The following PLPPR1 variants were observed in gnomAD, a reference collection of about 807,000 sequenced individuals.
PLPPR1 encodes the protein phospholipid phosphatase related 1.
PLPPR1 carries 10 observed loss-of-function variants against 33.1 expected under a neutral mutation model. The ratio of observed to expected loss-of-function variants is 0.30; its 90% CI spans 0.19 to 0.51. The LOEUF (loss-of-function observed/expected upper bound fraction) is 0.51, where lower values mean the gene tolerates loss of function less well. PLPPR1 is among the 20% of genes least tolerant of loss of function. PLPPR1 has a pLI of 0.97. For synonymous variants in PLPPR1, 151 were observed against 151.0 expected, an observed-to-expected ratio of 1.00 and a Z score of 0.00; for missense variants, 304 against 408.1, an observed-to-expected ratio of 0.74 and a Z score of 2.20.
At chr9:101,131,079 C>T (rs1234004588) in intron 1 of PLPPR1, among the ~76,000 whole-genome samples, 2 of 152,172 alleles carry the variant, frequency 1.3e-5, no homozygotes, top group Non-Finnish European at 2.9e-5. Context: ...TTAATGGCCT[C>T]TACTTCCCTT....
intron 1 of PLPPR1, among the ~76,000 whole-genome samples, chr9:101,065,194 A>G (rs1830396422): frequency 6.6e-6 from 1 of 152,104 alleles, no homozygotes; most frequent in African/African-American, 2.4e-5. Context: ...ACTTTTTTAT[A>G]CAGGCCAGTA....
At chr9:101,266,495 G>A (rs2118889124) in intron 2 of PLPPR1, among the ~76,000 whole-genome samples, 1 of 152,250 alleles carries the variant, frequency 6.6e-6, no homozygotes, top group South Asian at 2.1e-4. Context: ...GCCAAGGCAA[G>A]CCAATTCATG....
chr9:101,246,046 T>C (rs1248528871), intron 2 of PLPPR1, among the ~76,000 whole-genome samples: 5 of 125,554 alleles, frequency 4.0e-5, no homozygotes, highest in African/African-American at 1.5e-4. Context: ...CCTCTCAAAA[T>C]TGAATATGAA....
At chr9:101,181,681 TAC>T (rs1044560993) in intron 1 of PLPPR1, among the ~76,000 whole-genome samples, 22 of 147,714 alleles carry the variant, frequency 1.5e-4, no homozygotes, top group East Asian at 4.0e-4. Context: ...TATATGTATA[TAC>T]ACACACACAT....
chr9:101,297,172 T>C (rs1248441288), intron 4 of PLPPR1, among the ~76,000 whole-genome samples: 1 of 152,184 alleles, frequency 6.6e-6, no homozygotes, highest in Non-Finnish European at 1.5e-5. Context: ...TTTAATTTTT[T>C]ATCATGAATA....
At chr9:101,196,144 G>A (rs577642212) in intron 2 of PLPPR1, among the ~76,000 whole-genome samples, 1 of 152,004 alleles carries the variant, frequency 6.6e-6, no homozygotes, top group African/African-American at 2.4e-5. Flanking sequence ...GGCTGGCCAA[G>A]GTATTAGAAT....
At chr9:101,245,682 G>T (rs1259382490) in intron 2 of PLPPR1, among the ~76,000 whole-genome samples, 1 of 151,818 alleles carries the variant, frequency 6.6e-6, no homozygotes, top group Non-Finnish European at 1.5e-5. Context: ...AGGTTCTTTT[G>T]TTTTCTCTGG....
chr9:101,226,286 C>G (rs1191128144), intron 2 of PLPPR1, among the ~76,000 whole-genome samples: 1 of 152,110 alleles, frequency 6.6e-6, no homozygotes, highest in Non-Finnish European at 1.5e-5. Context: ...CCTCACTCAT[C>G]CCATTCCATT....
intron 2 of PLPPR1, among the ~76,000 whole-genome samples, chr9:101,236,934 A>G (rs1827312840): frequency 6.6e-6 from 1 of 151,708 alleles, no homozygotes; most frequent in African/African-American, 2.4e-5. Flanking sequence ...TGCAAACTAT[A>G]TATCTGACAA....
chr9:101,317,442 A>G lies in PLPPR1; in HGVS notation c.891A>G (p.Val297=), dbSNP rs1189469616. 3 of 1,613,858 alleles carry G rather than the reference A, an allele frequency of 1.9e-6. No homozygotes were observed. In the African/African-American group the frequency reaches 4.0e-5, roughly 22 times the overall value. ...SKPKPEDPRG[V]PLMAFPRIES... The stretch of plus-strand genomic sequence containing the variant: ...CCAAGCCTGAGGATCCCCGTGGAGT[A>G]CCCCTAATGGCTTTCCCAAGGATAG... The change falls in exon 7 of 8, where the codon GTA becomes GTG. Residue 297 remains valine (V), a synonymous_variant. Transcript: ENST00000374874.
chr9:101,092,076 A>T (rs932985562), intron 1 of PLPPR1, among the ~76,000 whole-genome samples: 1 of 152,052 alleles, frequency 6.6e-6, no homozygotes, highest in African/African-American at 2.4e-5. Flanking sequence ...GCTGCTTCTG[A>T]ACTTCATCTT....
intron 2 of PLPPR1, among the ~76,000 whole-genome samples, chr9:101,234,423 C>A (rs1827253240): frequency 6.6e-6 from 1 of 151,856 alleles, no homozygotes; most frequent in African/African-American, 2.4e-5. Context: ...CCCACCTTTT[C>A]TCTCTCCCAA....
intron 2 of PLPPR1, 116 bp from the exon 3 acceptor site, chr9:101,269,764 G>A (rs1016456699): frequency 3.8e-5 from 37 of 973,014 alleles, no homozygotes; most frequent in Non-Finnish European, 5.1e-5. Flanking sequence ...GCACACACTC[G>A]CCAATACCAA....
In PLPPR1 at chr9:101,065,400, T is replaced by C. The variant is rs138783998; in HGVS notation, c.-46+36298T>C. ...TTTGGAAATAGGCTGTATTGATTCT[T>C]AACATTTCTCTGGCACATTTGTGGA... is the stretch of plus-strand genomic sequence containing the variant. On this transcript the variant is annotated intron_variant, in intron 1 of 7. Coordinates refer to ENST00000374874, the MANE Select transcript of PLPPR1 (RefSeq NM_207299.2). Among the ~76,000 whole-genome samples the C allele has an allele frequency of 4.0e-3, 602 of 152,266 alleles. 5 individuals carry two copies. The highest frequency in any genetic ancestry group is 0.013 in the African/African-American group (555 of 41,578).
At chr9:101,248,558 G>GGAT (rs1195748680) in intron 2 of PLPPR1, among the ~76,000 whole-genome samples, 1 of 152,000 alleles carries the variant, frequency 6.6e-6, no homozygotes, top group East Asian at 1.9e-4. Flanking sequence ...ATAAAAGTGA[G>GGAT]AAAAGGAGGC....
At chr9:101,314,484 A>G (rs1431548429) in intron 6 of PLPPR1, among the ~76,000 whole-genome samples, 1 of 152,194 alleles carries the variant, frequency 6.6e-6, no homozygotes, top group East Asian at 1.9e-4. Flanking sequence ...GTTCCAGACC[A>G]TTGCAACAGT....
chr9:101,258,449 GA>G (rs1218214117), intron 2 of PLPPR1, among the ~76,000 whole-genome samples: 2 of 152,130 alleles, frequency 1.3e-5, no homozygotes, highest in African/African-American at 4.8e-5. Context: ...TGTGTAGCAG[GA>G]GTTTGCTGAC....
At chr9:101,112,363 G>A (rs1172818408) in intron 1 of PLPPR1, among the ~76,000 whole-genome samples, 2 of 152,204 alleles carry the variant, frequency 1.3e-5, no homozygotes, top group African/African-American at 4.8e-5. Context: ...ATAGCATTTA[G>A]ATAAGATTGC....
intron 2 of PLPPR1, among the ~76,000 whole-genome samples, chr9:101,193,918 G>A (rs1226966275): frequency 6.6e-6 from 1 of 152,144 alleles, no homozygotes; most frequent in Non-Finnish European, 1.5e-5. Flanking sequence ...TTTCTCCACT[G>A]GATAACAAAG....
Sources: gnomAD v4.1 joint callset for allele counts (sites outside exome capture counted in the v4.1 genomes callset) on GRCh38, gnomAD v4.1.1 for gene constraint, MANE v1.5 for transcripts, NCBI Gene and HGNC (gene_info 2026-07-23, HGNC 2026-07-21) for gene names.